The following ZNF718 variants were observed in gnomAD, a reference collection of about 807,000 sequenced individuals.
ZNF718 encodes the protein zinc finger protein 718.
A neutral mutation model predicts 2.6 loss-of-function variants in ZNF718; 3 were observed. The observed-to-expected ratio is 1.16, with a 90% CI of 0.53 to 3.01. The LOEUF is 3.01. Among genes scored for constraint, ZNF718 ranks in the 30% most tolerant of loss-of-function variants. The pLI is 0.03. For missense variants in ZNF718, 468 were observed against 230.0 expected (o/e 2.03, Z -6.69); for synonymous variants, 135 against 77.9 (o/e 1.73, Z -3.86).
At chr4:188,337 T>C (rs1414268623) in intron 3 of ZNF718, among the ~76,000 whole-genome samples, 1 of 152,204 alleles carries the variant, frequency 6.6e-6, no homozygotes, top group Non-Finnish European at 1.5e-5. Flanking sequence ...CTCATTCGGA[T>C]TGTTTGGATT....
At chr4:146,011 T>C (rs1716039147) in intron 3 of ZNF718, among the ~76,000 whole-genome samples, 1 of 151,814 alleles carries the variant, frequency 6.6e-6, no homozygotes, top group South Asian at 2.1e-4. Context: ...TGTGTTTTAA[T>C]GCTTTTTTTG....
chr4:196,631 G>A (rs996564923), intron 3 of ZNF718, among the ~76,000 whole-genome samples: 20 of 152,122 alleles, frequency 1.3e-4, no homozygotes, highest in South Asian at 1.0e-3. Flanking sequence ...TGGCTGCACC[G>A]TGATCTCAAC....
chr4:199,044 G>A (rs1423005641), intron 3 of ZNF718, among the ~76,000 whole-genome samples: 1 of 152,244 alleles, frequency 6.6e-6, no homozygotes, highest in African/African-American at 2.4e-5. Flanking sequence ...TAGCCACAGT[G>A]CAGTCCTGCT....
intron 3 of ZNF718, among the ~76,000 whole-genome samples, chr4:156,395 A>G (rs939832791): frequency 3.1e-4 from 47 of 152,172 alleles, no homozygotes; most frequent in African/African-American, 1.1e-3. Flanking sequence ...TTGTGAATCT[A>G]TATTTTTATG....
At chr4:137,544 C>G (rs1380410893) in intron 3 of ZNF718, among the ~76,000 whole-genome samples, 1 of 152,040 alleles carries the variant, frequency 6.6e-6, no homozygotes, top group Non-Finnish European at 1.5e-5. Context: ...ATTGGCCATT[C>G]CAATTAATAC....
chr4:187,341 C>T (rs1483288080), intron 3 of ZNF718, among the ~76,000 whole-genome samples: 1 of 152,126 alleles, frequency 6.6e-6, no homozygotes, highest in Non-Finnish European at 1.5e-5. Flanking sequence ...ATTCTTCTGC[C>T]TCAGCCTCCC....
intron 3 of ZNF718, among the ~76,000 whole-genome samples, chr4:189,180 C>T (rs1236668427): frequency 5.3e-5 from 8 of 151,514 alleles, no homozygotes; most frequent in African/African-American, 1.5e-4. Flanking sequence ...CCTGCCTCAA[C>T]CTCCCGAGAA....
At chr4:141,815 A>G (rs1019781742) in intron 3 of ZNF718, among the ~76,000 whole-genome samples, 2 of 152,238 alleles carry the variant, frequency 1.3e-5, no homozygotes, top group African/African-American at 4.8e-5. Context: ...ATTAAATACC[A>G]AAACAATACA....
At chr4:192,173 C>T (rs1553821331) in intron 3 of ZNF718, among the ~76,000 whole-genome samples, 4 of 152,056 alleles carry the variant, frequency 2.6e-5, no homozygotes, top group African/African-American at 4.8e-5. Context: ...GGATGGCAAG[C>T]GATAGCTCAG....
At chr4:190,545 A>G (rs1717671218) in intron 3 of ZNF718, among the ~76,000 whole-genome samples, 3 of 152,168 alleles carry the variant, frequency 2.0e-5, no homozygotes, top group African/African-American at 7.2e-5. Flanking sequence ...GGAAAAAGTC[A>G]AATATAAAGT....
chr4:144,055 G>A (rs1715934409), intron 3 of ZNF718, among the ~76,000 whole-genome samples: 1 of 152,074 alleles, frequency 6.6e-6, no homozygotes, highest in Non-Finnish European at 1.5e-5. Context: ...GGCATCCACC[G>A]TTAATAACTA....
chr4:150,575 A>T (rs1205241688), intron 3 of ZNF718, among the ~76,000 whole-genome samples: 3 of 152,098 alleles, frequency 2.0e-5, no homozygotes, highest in Non-Finnish European at 4.4e-5. Flanking sequence ...CCTTGCAAAT[A>T]TCAAATTTTT....
intron 3 of ZNF718, among the ~76,000 whole-genome samples, chr4:196,308 A>G (rs782364268): frequency 5.3e-5 from 8 of 152,226 alleles, no homozygotes; most frequent in Non-Finnish European, 1.2e-4. Flanking sequence ...CAGGTCCCAC[A>G]TAACTGCCCA....
At chr4:170,626 C>A (rs1553817774) in intron 3 of ZNF718, among the ~76,000 whole-genome samples, 1 of 152,172 alleles carries the variant, frequency 6.6e-6, no homozygotes, top group African/African-American at 2.4e-5. Context: ...ACCCTTTCTT[C>A]CAGTTGATTG....
At chr4:151,736 AACCAAT>A (rs1716331716) in intron 3 of ZNF718, among the ~76,000 whole-genome samples, 2 of 152,074 alleles carry the variant, frequency 1.3e-5, no homozygotes, top group African/African-American at 4.8e-5. Context: ...CACCTCAACC[AACCAAT>A]GTAGGGGTGG....
chr4:198,129 G>C (rs1425147118), intron 3 of ZNF718, among the ~76,000 whole-genome samples: 4 of 152,180 alleles, frequency 2.6e-5, no homozygotes, highest in African/African-American at 9.6e-5. Context: ...CATAGCTGCA[G>C]AAGATGCCAT....
At chr4:177,668 CTG>C (rs1553819259) in intron 3 of ZNF718, among the ~76,000 whole-genome samples, 1 of 152,172 alleles carries the variant, frequency 6.6e-6, no homozygotes. Context: ...TGCTGGAAAA[CTG>C]TGTCCCTACA....
At chr4:160,344 A>G (rs571082423) in intron 3 of ZNF718, among the ~76,000 whole-genome samples, 18 of 152,286 alleles carry the variant, frequency 1.2e-4, no homozygotes, top group African/African-American at 3.8e-4. Flanking sequence ...GGCTCTTGGA[A>G]TTGTGCTTAC....
chr4:181,608 T>G (rs1456080115), intron 3 of ZNF718, among the ~76,000 whole-genome samples: 1 of 152,140 alleles, frequency 6.6e-6, no homozygotes, highest in East Asian at 1.9e-4. Context: ...ATATATTTAT[T>G]AATATACCAC....
Sources: gnomAD v4.1 joint callset for allele counts (sites outside exome capture counted in the v4.1 genomes callset) on GRCh38, gnomAD v4.1.1 for gene constraint, MANE v1.5 for transcripts, NCBI Gene and HGNC (gene_info 2026-07-23, HGNC 2026-07-21) for gene names.